Variants in PCLO observed in about 807,000 individuals in gnomAD.
PCLO encodes the protein protein piccolo.
In PCLO, 82 loss-of-function variants were observed where a neutral mutation model predicts 427.5. That is an observed-to-expected ratio of 0.19 (90% confidence interval 0.16 to 0.23). PCLO has a LOEUF of 0.23. Ranked by LOEUF, PCLO falls within the 10% of genes least tolerant of loss-of-function variation. The probability of loss-of-function intolerance (pLI) is 1.00; values close to 1 mark genes in which losing one functional copy is unlikely to be tolerated. For missense variants in PCLO, 6,239 were observed against 6,115.9 expected, an observed-to-expected ratio of 1.02 and a Z score of -0.67; for synonymous variants, 2,357 against 2,155.4, an observed-to-expected ratio of 1.09 and a Z score of -2.59.
At chr7:82,816,754 C>T (rs572361083) in intron 20 of PCLO, among the ~76,000 whole-genome samples, 20 of 152,158 alleles carry the variant, frequency 1.3e-4, no homozygotes, top group South Asian at 2.1e-4. Context: ...TTACTTTTCA[C>T]GTCAGATGAA....
chr7:82,801,952 G>A (rs1472584867), intron 21 of PCLO, among the ~76,000 whole-genome samples: 1 of 151,448 alleles, frequency 6.6e-6, no homozygotes, highest in African/African-American at 2.4e-5. Flanking sequence ...AATGAGAAGG[G>A]GCTTTATATT....
In PCLO at chr7:82,790,533, AT is replaced by A. The variant is rs150067435; in HGVS notation, c.15007+10984del. Among the ~76,000 whole-genome samples, 471 of 152,328 alleles carry A rather than the reference AT, an allele frequency of 3.1e-3. 4 individuals carry two copies. Among genetic ancestry groups the A allele is most frequent in the Non-Finnish European group, 5.3e-3 (363 of 68,038 alleles). On this transcript the variant is annotated intron_variant, in intron 22 of 24. Coordinates refer to ENST00000333891, the MANE Select transcript of PCLO (RefSeq NM_033026.6). ...TTTATTTCAAGAACTATTTAAAAAAATATTCCTGCCAGGAAGGCTTTTCTTA... is the reference window on the plus strand; with the variant it reads ...TTTATTTCAAGAACTATTTAAAAAAAATTCCTGCCAGGAAGGCTTTTCTTA...
At chr7:82,940,423 T>TA (rs1247391039) in intron 6 of PCLO, among the ~76,000 whole-genome samples, 15 of 152,338 alleles carry the variant, frequency 9.8e-5, no homozygotes, top group African/African-American at 3.6e-4. Flanking sequence ...TAGTACTTTC[T>TA]AATGGATCAG....
At chr7:82,875,605 A>G (rs1793350653) in intron 10 of PCLO, among the ~76,000 whole-genome samples, 1 of 152,066 alleles carries the variant, frequency 6.6e-6, no homozygotes, top group East Asian at 1.9e-4. Flanking sequence ...GAATTTGAAA[A>G]TACTCCTGTT....
Position 82,831,480 on chromosome 7 carries a change from G to A in PCLO, c.14250-3514C>T, listed in dbSNP as rs143979791. Among the ~76,000 whole-genome samples the A allele has an allele frequency of 7.2e-4, 110 of 151,960 alleles. No individual in the cohort carries two copies. The East Asian group carries it at 0.02, about 28-fold the overall frequency. On this transcript the variant is annotated intron_variant, in intron 16 of 24. Coordinates refer to ENST00000333891, the MANE Select transcript of PCLO (RefSeq NM_033026.6). ...AATTATGTATAATGTGTGTAGACAC[G>A]CATTATAAACATCGTGAACAAGTTA...
At chr7:83,056,582 C>G (rs1789384338) in intron 3 of PCLO, among the ~76,000 whole-genome samples, 1 of 152,156 alleles carries the variant, frequency 6.6e-6, no homozygotes, top group African/African-American at 2.4e-5. Context: ...TATTCAGCTC[C>G]TACTCTCATC....
chr7:82,971,193 C>G (rs1326006826), intron 3 of PCLO, among the ~76,000 whole-genome samples: 1 of 151,818 alleles, frequency 6.6e-6, no homozygotes, highest in Admixed American at 6.6e-5. Context: ...AATTATTTCA[C>G]TTACGTAACA....
intron 3 of PCLO, among the ~76,000 whole-genome samples, chr7:82,981,126 G>A (rs10263859): frequency 0.074 from 11,211 of 151,758 alleles, 1,406 homozygotes; most frequent in African/African-American, 0.26. Flanking sequence ...ATAATAAATA[G>A]TTGTGTTAAA....
chr7:83,015,085 G>A (rs1788173559), intron 3 of PCLO, among the ~76,000 whole-genome samples: 1 of 152,098 alleles, frequency 6.6e-6, no homozygotes, highest in African/African-American at 2.4e-5. Context: ...TATTATTCAA[G>A]ATGACACAGT....
At chr7:82,908,634 T>C (rs1794248815) in intron 8 of PCLO, among the ~76,000 whole-genome samples, 3 of 152,122 alleles carry the variant, frequency 2.0e-5, no homozygotes, top group Admixed American at 2.0e-4. Context: ...TTATACAAAC[T>C]TAATAATGAT....
At chr7:83,026,365 T>C (rs1195961748) in intron 3 of PCLO, among the ~76,000 whole-genome samples, 2 of 151,944 alleles carry the variant, frequency 1.3e-5, no homozygotes, top group African/African-American at 4.8e-5. Flanking sequence ...AGAAGGCCAT[T>C]ACATAATGGT....
At chr7:83,123,079 T>A (rs930502399) in intron 3 of PCLO, among the ~76,000 whole-genome samples, 1 of 152,080 alleles carries the variant, frequency 6.6e-6, no homozygotes, top group Non-Finnish European at 1.5e-5. Context: ...ACAGATACAA[T>A]GCAATCTCTA....
chr7:83,086,267 C>T (rs557884025), intron 3 of PCLO, among the ~76,000 whole-genome samples: 24 of 152,128 alleles, frequency 1.6e-4, no homozygotes, highest in African/African-American at 4.8e-4. Flanking sequence ...CATGCTACCA[C>T]GCCCAGCTAA....
chr7:83,118,984 A>AT (rs1562972595), intron 3 of PCLO, among the ~76,000 whole-genome samples: 2 of 152,098 alleles, frequency 1.3e-5, no homozygotes, highest in African/African-American at 2.4e-5. Flanking sequence ...ATAAAAAAAA[A>AT]TTTTATCTTG....
At chr7:83,042,531 A>C (rs1788996508) in intron 3 of PCLO, among the ~76,000 whole-genome samples, 1 of 152,090 alleles carries the variant, frequency 6.6e-6, no homozygotes, top group Non-Finnish European at 1.5e-5. Context: ...ATAAACAAGG[A>C]AATTAGATGA....
intron 10 of PCLO, among the ~76,000 whole-genome samples, chr7:82,876,590 T>C (rs1793379829): frequency 6.6e-6 from 1 of 152,046 alleles, no homozygotes. Context: ...AATCTTTGGA[T>C]ATTAAAGGAA....
intron 3 of PCLO, among the ~76,000 whole-genome samples, chr7:83,093,804 TAAAA>T (rs55783549): frequency 1.9e-4 from 24 of 126,724 alleles, no homozygotes; most frequent in African/African-American, 6.5e-4. Context: ...CCACAAATAT[TAAAA>T]AAAAAAAAAA....
At position 82,841,471 on chromosome 7, in the gene PCLO, T is replaced by C. The variant is rs2115780736; in HGVS notation, c.14085A>G (p.Thr4695=). 1 of 1,599,850 alleles carries C rather than the reference T, an allele frequency of 6.3e-7. No individual in the cohort carries two copies. The highest frequency in any genetic ancestry group is 8.6e-7 in the Non-Finnish European group (1 of 1,167,830). ...AAAAACTTCATACCTGAATTTCTCC[T>C]GTAATTGGATGAGAGACAACCTTTG... ...DGTKVVSHPI[T]GEIQLQINYD... Residue 4695 remains threonine (T), a synonymous_variant, in exon 14 of 25, where the codon ACA becomes ACG. Coordinates refer to ENST00000333891, the MANE Select transcript of PCLO (RefSeq NM_033026.6).
intron 9 of PCLO, among the ~76,000 whole-genome samples, chr7:82,892,283 A>G (rs1793787115): frequency 1.3e-5 from 2 of 152,256 alleles, no homozygotes; most frequent in Admixed American, 1.3e-4. Flanking sequence ...CATATCTACA[A>G]CTATCTGATC....
Sources: gnomAD v4.1 joint callset for allele counts (sites outside exome capture counted in the v4.1 genomes callset) on GRCh38, gnomAD v4.1.1 for gene constraint, MANE v1.5 for transcripts, NCBI Gene and HGNC (gene_info 2026-07-23, HGNC 2026-07-21) for gene names.